Variants in EYS observed in about 807,000 individuals in gnomAD.
EYS encodes the protein EGF-like photoreceptor maintenance factor.
A neutral mutation model predicts 282.1 loss-of-function variants in EYS; 250 were observed. That is an observed-to-expected ratio of 0.89 (90% confidence interval 0.80 to 0.98). The LOEUF is 0.98. Ranked by LOEUF, EYS falls within the 50% of genes least tolerant of loss-of-function variation. The probability of loss-of-function intolerance (pLI) is 0.00; values close to 1 mark genes in which losing one functional copy is unlikely to be tolerated. For synonymous variants in EYS, 1,355 were observed against 1,282.9 expected, an observed-to-expected ratio of 1.06 and a Z score of -1.20; for missense variants, 4,016 against 3,709.0, an observed-to-expected ratio of 1.08 and a Z score of -2.15.
intron 14 of EYS, among the ~76,000 whole-genome samples, chr6:64,976,129 G>A (rs1770468805): frequency 6.6e-6 from 1 of 151,864 alleles, no homozygotes; most frequent in Non-Finnish European, 1.5e-5. Context: ...TGAAAAGCAA[G>A]TGACAGTAAA....
chr6:65,352,959 A>G (rs947504126), intron 9 of EYS, among the ~76,000 whole-genome samples: 14 of 151,854 alleles, frequency 9.2e-5, no homozygotes, highest in Non-Finnish European at 1.9e-4. Flanking sequence ...TCTCTTCTCC[A>G]ACTTCTCTGC....
At chr6:63,926,560 G>A (rs1386050325) in intron 35 of EYS, among the ~76,000 whole-genome samples, 1 of 152,168 alleles carries the variant, frequency 6.6e-6, no homozygotes, top group Non-Finnish European at 1.5e-5. Context: ...GAAGGTGAAG[G>A]GAGAAAGAGG....
At chr6:65,010,387 T>G (rs1230007399) in intron 13 of EYS, among the ~76,000 whole-genome samples, 5 of 152,222 alleles carry the variant, frequency 3.3e-5, no homozygotes, top group African/African-American at 1.2e-4. Flanking sequence ...TACTTAAATA[T>G]CAGGCTCTAT....
chr6:65,390,626 GTAA>G (rs1765990414), intron 7 of EYS, among the ~76,000 whole-genome samples: 1 of 152,052 alleles, frequency 6.6e-6, no homozygotes, highest in African/African-American at 2.4e-5. Context: ...GCTTATATCT[GTAA>G]TCCCAGCACT....
intron 33 of EYS, among the ~76,000 whole-genome samples, chr6:64,060,525 CA>C (rs966388653): frequency 1.3e-5 from 2 of 151,992 alleles, no homozygotes; most frequent in Non-Finnish European, 2.9e-5. Flanking sequence ...TTGATATGAC[CA>C]AAATCAATCC....
At chr6:65,581,232 GA>G (rs1371214503) in intron 2 of EYS, among the ~76,000 whole-genome samples, 1 of 151,822 alleles carries the variant, frequency 6.6e-6, no homozygotes, top group Non-Finnish European at 1.5e-5. Flanking sequence ...ATATAGAGGG[GA>G]AAAAAGTGGC....
At chr6:65,391,648 C>T (rs1428880685) in intron 7 of EYS, among the ~76,000 whole-genome samples, 1 of 152,036 alleles carries the variant, frequency 6.6e-6, no homozygotes, top group South Asian at 2.1e-4. Flanking sequence ...GAACTACAAA[C>T]CACCGCTCAA....
chr6:64,296,841 G>A (rs376241642), intron 30 of EYS, among the ~76,000 whole-genome samples: 52 of 152,018 alleles, frequency 3.4e-4, no homozygotes, highest in African/African-American at 9.6e-4. Flanking sequence ...TCCTGACCTC[G>A]TGATCCAACT....
intron 22 of EYS, among the ~76,000 whole-genome samples, chr6:64,776,849 T>C (rs902929529): frequency 1.5e-4 from 23 of 152,062 alleles, no homozygotes; most frequent in African/African-American, 3.6e-4. Context: ...ATTCCTGTCA[T>C]TGGGATCTTT....
chr6:65,301,933 C>T (rs1169166801), intron 11 of EYS, among the ~76,000 whole-genome samples: 3 of 152,210 alleles, frequency 2.0e-5, no homozygotes, highest in African/African-American at 7.2e-5. Flanking sequence ...CAAAAAATTC[C>T]TGGAAAATTG....
At chr6:64,105,291 T>C (rs1772971095) in intron 31 of EYS, among the ~76,000 whole-genome samples, 1 of 152,106 alleles carries the variant, frequency 6.6e-6, no homozygotes, top group Admixed American at 6.6e-5. Context: ...ATCTCTGTTT[T>C]TGAAAATTAA....
At chr6:64,660,547 T>A (rs1360710049) in intron 22 of EYS, among the ~76,000 whole-genome samples, 3 of 152,180 alleles carry the variant, frequency 2.0e-5, no homozygotes, top group Non-Finnish European at 2.9e-5. Flanking sequence ...AGTCTCAGGA[T>A]ACAAAAGCCA....
At chr6:64,682,228 C>T (rs1361045914) in intron 22 of EYS, among the ~76,000 whole-genome samples, 2 of 152,004 alleles carry the variant, frequency 1.3e-5, no homozygotes, top group Non-Finnish European at 2.9e-5. Flanking sequence ...ATTAGCTGGG[C>T]GTGGTGGCGG....
At chr6:64,555,995 T>A (rs1024834740) in intron 26 of EYS, among the ~76,000 whole-genome samples, 2 of 151,952 alleles carry the variant, frequency 1.3e-5, no homozygotes, top group Non-Finnish European at 2.9e-5. Flanking sequence ...TAAAAAGTGC[T>A]GACAAGGATG....
chr6:64,732,584 A>G (rs1208729357), intron 22 of EYS, among the ~76,000 whole-genome samples: 1 of 152,250 alleles, frequency 6.6e-6, no homozygotes, highest in Non-Finnish European at 1.5e-5. Flanking sequence ...AATCGTAAGT[A>G]TAAATTTACT....
chr6:64,782,073 T>A (rs1204820220), intron 22 of EYS, among the ~76,000 whole-genome samples: 1 of 152,204 alleles, frequency 6.6e-6, no homozygotes, highest in Non-Finnish European at 1.5e-5. Flanking sequence ...CACTTTTAAA[T>A]GTCTGTAAGA....
At chr6:63,759,030 A>G (rs540863042) in intron 41 of EYS, among the ~76,000 whole-genome samples, 69 of 152,188 alleles carry the variant, frequency 4.5e-4, no homozygotes, top group African/African-American at 1.5e-3. Context: ...TTGAGGGAGG[A>G]AACTTCAGCC....
chr6:64,687,467 A>G (rs951358072), intron 22 of EYS, among the ~76,000 whole-genome samples: 1 of 152,138 alleles, frequency 6.6e-6, no homozygotes, highest in Non-Finnish European at 1.5e-5. Context: ...TTCTGCATCT[A>G]TTGAGATAAT....
intron 22 of EYS, among the ~76,000 whole-genome samples, chr6:64,721,590 C>T (rs1771584092): frequency 6.6e-6 from 1 of 152,056 alleles, no homozygotes; most frequent in Admixed American, 6.6e-5. Flanking sequence ...AACTTATATT[C>T]CAAGGAATAA....
Sources: allele counts gnomAD v4.1 joint callset (sites outside exome capture counted in the v4.1 genomes callset), GRCh38; gene constraint gnomAD v4.1.1; transcripts MANE v1.5; gene names NCBI Gene and HGNC (gene_info 2026-07-23, HGNC 2026-07-21).